Variants in SPTB observed in about 807,000 individuals in gnomAD.
The protein encoded by SPTB is spectrin beta chain, erythrocytic.
SPTB carries 45 observed loss-of-function variants against 256.2 expected under a neutral mutation model. The ratio of observed to expected loss-of-function variants is 0.18; its 90% CI spans 0.14 to 0.23. The LOEUF (loss-of-function observed/expected upper bound fraction) is 0.23, where lower values mean the gene tolerates loss of function less well. Ranked by LOEUF, SPTB falls within the 10% of genes least tolerant of loss-of-function variation. SPTB has a pLI of 1.00. For synonymous variants in SPTB, 1,231 were observed against 1,243.1 expected, an observed-to-expected ratio of 0.99 and a Z score of 0.21; for missense variants, 2,715 against 3,040.4, an observed-to-expected ratio of 0.89 and a Z score of 2.52.
At chr14:64,767,039 G>T (rs1386603591) in intron 31 of SPTB, among the ~76,000 whole-genome samples, 1 of 152,208 alleles carries the variant, frequency 6.6e-6, no homozygotes, top group East Asian at 1.9e-4. Flanking sequence ...GGGGCCCCGT[G>T]TTCAGGTGGC....
At chr14:64,835,212 T>G (rs920115799) in intron 1 of SPTB, among the ~76,000 whole-genome samples, 7 of 152,114 alleles carry the variant, frequency 4.6e-5, no homozygotes, top group African/African-American at 1.7e-4. Flanking sequence ...GCTTTGGTAT[T>G]GAGCAAAATT....
intron 6 of SPTB, 65 bp downstream of exon 6, chr14:64,801,689 A>T: frequency 6.7e-7 from 1 of 1,485,944 alleles, no homozygotes; most frequent in Non-Finnish European, 9.4e-7. Context: ...GTTAAGTGCA[A>T]TGTGTCCAAA....
chr14:64,761,734 C>A (rs2082099843), intron 32 of SPTB, among the ~76,000 whole-genome samples: 1 of 152,192 alleles, frequency 6.6e-6, no homozygotes, highest in Non-Finnish European at 1.5e-5. Context: ...ACCTGTGTGG[C>A]CTCTTCAGGT....
At position 64,749,066 on chromosome 14, in the gene SPTB, C is replaced by T. The variant is rs1199080541; in HGVS notation, c.*240G>A. On this transcript the variant is annotated 3_prime_UTR_variant, in exon 36 of 36. Coordinates refer to ENST00000644917, the MANE Select transcript of SPTB (RefSeq NM_001355436.2). This position sits in a 1 kb window ranked among gnomAD's most constrained non-coding sequence, Gnocchi z 4.7. ...CCAGGCCTGGAGGCCCCAAAGGCGCCAGAGGAGCTGGGAGCCCCTGTCCCT... is the reference window on the plus strand; with the variant it reads ...CCAGGCCTGGAGGCCCCAAAGGCGCTAGAGGAGCTGGGAGCCCCTGTCCCT... 7 of 449,626 alleles carry T rather than the reference C, an allele frequency of 1.6e-5. No homozygotes were observed. The highest frequency in any genetic ancestry group is 1.2e-5 in the Non-Finnish European group (3 of 252,734). 27.9% of individuals were successfully genotyped at this position (449,626 alleles called of 1,614,324 possible).
intron 33 of SPTB, among the ~76,000 whole-genome samples, chr14:64,751,812 G>T (rs1279067153): frequency 6.7e-6 from 1 of 149,784 alleles, no homozygotes; most frequent in East Asian, 2.0e-4. Flanking sequence ...GGCCGGGCGT[G>T]GTGGCTCACA....
At position 64,785,827 on chromosome 14, in the gene SPTB, T is replaced by C. The variant is rs1450292241; in HGVS notation, c.3686A>G (p.Asp1229Gly). The change falls in exon 17 of 36, where the codon GAC (aspartate) becomes GGC (glycine). Residue 1229 changes from aspartate (D) to glycine (G), a missense_variant. This residue lies in a region of SPTB where 2,239 missense variants were observed against 2,384.4 expected (regional missense o/e 0.94). Coordinates refer to ENST00000644917, the MANE Select transcript of SPTB (RefSeq NM_001355436.2). This position sits in a 1 kb window ranked among gnomAD's most constrained non-coding sequence, Gnocchi z 4.4. ...NNRDKVLSPV[D>G]SGNKLVAEGN... ...CTCAGCTACCAGCTTGTTTCCAGAG[T>C]CCACAGGACTCAAGACCTTATCCCG... The C allele has an allele frequency of 6.2e-7, 1 of 1,613,920 alleles. No individual in the cohort carries two copies. Among genetic ancestry groups the C allele is most frequent in the East Asian group, 2.2e-5 (1 of 44,862 alleles).
chr14:64,767,200 A>C, intron 31 of SPTB, 103 bp downstream of exon 31: 1 of 1,452,204 alleles, frequency 6.9e-7, no homozygotes, highest in Non-Finnish European at 9.6e-7. Context: ...CCAGTGTGAG[A>C]AGTCAAATGC....
intron 1 of SPTB, among the ~76,000 whole-genome samples, chr14:64,869,745 C>T (rs1194710415): frequency 1.3e-5 from 2 of 150,832 alleles, no homozygotes; most frequent in South Asian, 2.1e-4. Flanking sequence ...ACCTTAGCCT[C>T]CTGAGTAGCT....
chr14:64,752,871 G>A (rs1283005621), intron 33 of SPTB, among the ~76,000 whole-genome samples: 3 of 152,094 alleles, frequency 2.0e-5, no homozygotes, highest in African/African-American at 4.8e-5. Context: ...ACTGCTGCTA[G>A]AAAGAGGAGG....
At position 64,791,763 on chromosome 14, in the gene SPTB, T is replaced by G; in HGVS notation, c.2760A>C (p.Pro920=). The change falls in exon 15 of 36, where the codon CCA becomes CCC. Residue 920 remains proline (P), a synonymous_variant. Coordinates refer to ENST00000644917, the MANE Select transcript of SPTB (RefSeq NM_001355436.2). ...AANSLVESGH[P]RSREVKQYQD... ...GGTACTGCTTCACCTCCCTGCTGCG[T>G]GGGTGGCCACTCTCTACCAAGCTGT... The G allele has an allele frequency of 6.2e-7, 1 of 1,614,104 alleles. No individual in the cohort carries two copies. The highest frequency in any genetic ancestry group is 8.5e-7 in the Non-Finnish European group (1 of 1,180,002).
At position 64,778,877 on chromosome 14, in the gene SPTB, C is replaced by T. The variant is rs915404192; in HGVS notation, c.4563+280G>A. 1.3e-5 allele frequency among the ~76,000 whole-genome samples: 2 copies of T among 152,158 alleles called. No homozygotes were observed. Among genetic ancestry groups the T allele is most frequent in the African/African-American group, 2.4e-5 (1 of 41,438 alleles). ...CACATCAACCTCCAGGCCAGGCCCC[C>T]GAGATCCTGCATTCACCTGTGCCTG... On this transcript the variant is annotated intron_variant, in intron 22 of 35. Coordinates refer to ENST00000644917, the MANE Select transcript of SPTB (RefSeq NM_001355436.2). This position sits in a 1 kb window ranked among gnomAD's most constrained non-coding sequence, Gnocchi z 5.2.
rs1444028820 is a variant in SPTB, at chr14:64,750,187, T to A, written c.6603-33A>T. The A allele has an allele frequency of 1.9e-6, 3 of 1,605,248 alleles. No homozygotes were observed. In the Admixed American group the frequency reaches 5.0e-5, roughly 27 times the overall value. On this transcript the variant is annotated intron_variant, in intron 33 of 35. Coordinates refer to ENST00000644917, the MANE Select transcript of SPTB (RefSeq NM_001355436.2). ...GATGCAGACAGGCAGGTCACCCACA[T>A]CCTGATATGGTATCTCTAGAGTCAA...
At position 64,753,688 on chromosome 14, in the gene SPTB, G is replaced by C. The variant is rs2081983148; in HGVS notation, c.6451C>G (p.Pro2151Ala). The C allele has an allele frequency of 1.2e-6, 2 of 1,613,748 alleles. No individual in the cohort carries two copies. Among genetic ancestry groups the C allele is most frequent in the African/African-American group, 2.7e-5 (2 of 75,052 alleles). The change falls in exon 33 of 36, where the codon CCC becomes GCC. Residue 2151 changes from proline to alanine, a missense_variant. By Grantham distance (27) the Pro-to-Ala change is conservative. This residue lies in a region of SPTB where 2,239 missense variants were observed against 2,384.4 expected (regional missense o/e 0.94). Coordinates refer to ENST00000644917, the MANE Select transcript of SPTB (RefSeq NM_001355436.2). ...GGCGTATCTAGGACCTTAAAGAGGGGCTCCGTGGTGGGCCTCTCATCCCCA... is the reference window on the plus strand; with the variant it reads ...GGCGTATCTAGGACCTTAAAGAGGGCCTCCGTGGTGGGCCTCTCATCCCCA... ...STGDERPTTE[P>A]LFKVLDTPLS...
chr14:64,815,269 ATCTCCCATGAAGC>A, intron 2 of SPTB, among the ~76,000 whole-genome samples: 2 of 65,220 alleles, frequency 3.1e-5, no homozygotes, highest in African/African-American at 1.1e-4. Context: ...GGGAAGGGGC[ATCTCCCATGAAGC>A]GGGCATCTCC....
chr14:64,791,565 CA>C (rs563905446), intron 15 of SPTB, among the ~76,000 whole-genome samples, 153 bp downstream of exon 15: 856 of 45,838 alleles, frequency 0.019, 15 homozygotes, highest in South Asian at 0.08. Flanking sequence ...GGTTCTGTGT[CA>C]AAAAAAAAAA....
chr14:64,815,900 T>C (rs1380861117), intron 2 of SPTB, among the ~76,000 whole-genome samples: 1 of 151,920 alleles, frequency 6.6e-6, no homozygotes, highest in Non-Finnish European at 1.5e-5. Context: ...AGCAGAAGAG[T>C]GACTTGATCG....
Position 64,779,956 on chromosome 14 carries a change from G to A in SPTB, c.4267-25C>T, listed in dbSNP as rs1288288328. The A allele has an allele frequency of 2.5e-6, 4 of 1,603,186 alleles. No individual in the cohort carries two copies. Among genetic ancestry groups the A allele is most frequent in the Non-Finnish European group, 3.4e-6 (4 of 1,170,512 alleles). The stretch of plus-strand genomic sequence containing the variant: ...GCTGAGACACAAGGGGACGGTGTCA[G>A]CACCAGCCTTGGCACCTGCACAGCC... On this transcript the variant is annotated intron_variant, in intron 20 of 35. Coordinates refer to ENST00000644917, the MANE Select transcript of SPTB (RefSeq NM_001355436.2). The surrounding 1 kb of genome is among the most constrained non-coding windows in gnomAD (Gnocchi z 4.2).
chr14:64,765,029 T>TGTGTGTGTGTGC (rs2082146341), intron 32 of SPTB, among the ~76,000 whole-genome samples: 1 of 119,240 alleles, frequency 8.4e-6, no homozygotes, highest in Non-Finnish European at 1.7e-5. Flanking sequence ...TGTGTGCGTG[T>TGTGTGTGTGTGC]GTGTGTGTGT....
In SPTB at chr14:64,827,334, G is replaced by A. The variant is rs1175619138; in HGVS notation, c.-51-4189C>T. Reference sequence around the variant, plus strand: ...GGAAACCGGGGGAATACAGGGCAACGCAGGGCTGAGGAGCAGGCTGTTGAA... The same window carrying A: ...GGAAACCGGGGGAATACAGGGCAACACAGGGCTGAGGAGCAGGCTGTTGAA... On this transcript the variant is annotated intron_variant, in intron 1 of 35. Coordinates refer to ENST00000644917, the MANE Select transcript of SPTB (RefSeq NM_001355436.2). This position sits in a 1 kb window ranked among gnomAD's most constrained non-coding sequence, Gnocchi z 4.6. Among the ~76,000 whole-genome samples, 4 of 152,210 alleles carry A rather than the reference G, an allele frequency of 2.6e-5. No homozygotes were observed. The highest frequency in any genetic ancestry group is 6.5e-5 in the Admixed American group (1 of 15,286).
Sources: allele counts gnomAD v4.1 joint callset (sites outside exome capture counted in the v4.1 genomes callset), GRCh38; gene constraint gnomAD v4.1.1; regional missense constraint gnomAD v4.1.1; non-coding constraint Gnocchi (gnomAD v3.1); transcripts MANE v1.5; gene names NCBI Gene and HGNC (gene_info 2026-07-23, HGNC 2026-07-21).